The following DLC1 variants were observed in gnomAD, a reference collection of about 807,000 sequenced individuals.
The protein encoded by DLC1 is DLC1 Rho GTPase activating protein, also known as rho GTPase-activating protein 7.
Under a neutral mutation model 140.3 loss-of-function variants are expected in DLC1, and 54 were observed. That is an observed-to-expected ratio of 0.38 (90% CI 0.31 to 0.48). DLC1 has a LOEUF of 0.48. Among genes scored for constraint, DLC1 ranks in the 20% least tolerant of loss-of-function variants. DLC1 has a pLI of 0.96. For synonymous variants in DLC1, 986 were observed against 728.1 expected (o/e 1.35, Z -5.70); for missense variants, 2,536 against 1,907.0 (o/e 1.33, Z -6.14).
intron 5 of DLC1, among the ~76,000 whole-genome samples, chr8:13,161,057 G>C (rs1475808330): frequency 6.6e-6 from 1 of 152,200 alleles, no homozygotes; most frequent in Non-Finnish European, 1.5e-5. Flanking sequence ...CTCCAGCCTG[G>C]GCGACAGAGC....
intron 1 of DLC1, among the ~76,000 whole-genome samples, chr8:13,570,272 A>G (rs1585286300): frequency 1.3e-5 from 2 of 148,384 alleles, no homozygotes; most frequent in Non-Finnish European, 3.0e-5. Flanking sequence ...CTATGTGCAC[A>G]TTTGTTTCCC....
chr8:13,145,030 A>C (rs74408470), intron 5 of DLC1, among the ~76,000 whole-genome samples: 1 of 152,178 alleles, frequency 6.6e-6, no homozygotes, highest in South Asian at 2.1e-4. Flanking sequence ...AAAATCAAAA[A>C]CAAAAGTATT....
chr8:13,397,920 G>A (rs771592641), intron 3 of DLC1, among the ~76,000 whole-genome samples: 6 of 152,038 alleles, frequency 3.9e-5, no homozygotes, highest in Non-Finnish European at 7.4e-5. Context: ...ATCACGAGGT[G>A]AGGAGATCGA....
chr8:13,309,240 T>C (rs1039127215), intron 4 of DLC1, among the ~76,000 whole-genome samples: 12 of 152,156 alleles, frequency 7.9e-5, no homozygotes, highest in African/African-American at 2.9e-4. Context: ...CTTATATATT[T>C]TTTTCTCTTA....
intron 2 of DLC1, among the ~76,000 whole-genome samples, chr8:13,409,082 C>T (rs1035719183): frequency 1.3e-5 from 2 of 152,048 alleles, no homozygotes; most frequent in Admixed American, 6.6e-5. Context: ...TTGTAACTCT[C>T]TGATTCAGCC....
intron 14 of DLC1, among the ~76,000 whole-genome samples, chr8:13,091,025 C>T (rs534789050): frequency 7.2e-4 from 110 of 151,896 alleles, no homozygotes; most frequent in African/African-American, 2.5e-3. Flanking sequence ...CCGGGTTGGT[C>T]TTGAACTCCG....
chr8:13,318,112 C>G (rs1295257067), intron 4 of DLC1, among the ~76,000 whole-genome samples: 9 of 152,104 alleles, frequency 5.9e-5, no homozygotes, highest in African/African-American at 2.2e-4. Context: ...ACTGTAACCT[C>G]AACCTCCTGA....
intron 1 of DLC1, among the ~76,000 whole-genome samples, chr8:13,525,027 A>T (rs947021364): frequency 1.3e-5 from 2 of 152,124 alleles, no homozygotes; most frequent in African/African-American, 4.8e-5. Flanking sequence ...CAAGGCAACG[A>T]CTGATCTGCT....
At chr8:13,184,058 C>G (rs1826200175) in intron 5 of DLC1, among the ~76,000 whole-genome samples, 1 of 152,108 alleles carries the variant, frequency 6.6e-6, no homozygotes, top group Admixed American at 6.6e-5. Context: ...GTGTATGTGT[C>G]CAGGAATTTA....
chr8:13,417,030 G>A (rs1411068114), intron 2 of DLC1, among the ~76,000 whole-genome samples: 2 of 152,098 alleles, frequency 1.3e-5, no homozygotes, highest in African/African-American at 4.8e-5. Flanking sequence ...TTTCTTGAGA[G>A]CAGTCGGGCT....
Position 13,083,724 on chromosome 8 carries a change from T to G in DLC1, c.*2087A>C, listed in dbSNP as rs1407159150. The G allele has an allele frequency of 6.5e-6, 1 of 152,682 alleles. No homozygotes were observed. The highest frequency in any genetic ancestry group is 1.5e-5 in the Non-Finnish European group (1 of 68,052). 9.5% of individuals were successfully genotyped at this position (152,682 alleles called of 1,614,324 possible). On this transcript the variant is annotated 3_prime_UTR_variant, in exon 18 of 18. Transcript: ENST00000276297. ...TGTTGGAGAGAATCTCCGTGCTTCC[T>G]GAACCTTCACCAGGGTTTCCTGTTT...
intron 4 of DLC1, among the ~76,000 whole-genome samples, chr8:13,338,380 A>G (rs772164979): frequency 4.6e-5 from 7 of 152,202 alleles, no homozygotes; most frequent in Non-Finnish European, 8.8e-5. Flanking sequence ...GCTGAGCTCA[A>G]ATCCTGAAGT....
At chr8:13,507,540 G>A (rs1802152778) in intron 1 of DLC1, among the ~76,000 whole-genome samples, 1 of 152,122 alleles carries the variant, frequency 6.6e-6, no homozygotes, top group South Asian at 2.1e-4. Context: ...ACCTCCATAT[G>A]ATTTCATGCA....
At chr8:13,469,910 A>G (rs1299107504) in intron 2 of DLC1, among the ~76,000 whole-genome samples, 1 of 152,204 alleles carries the variant, frequency 6.6e-6, no homozygotes, top group Non-Finnish European at 1.5e-5. Context: ...TCTGCCCTCC[A>G]GAATAATGGT....
chr8:13,466,093 G>A (rs962410133), intron 2 of DLC1, among the ~76,000 whole-genome samples: 6 of 152,234 alleles, frequency 3.9e-5, no homozygotes, highest in East Asian at 1.9e-4. Context: ...ATACTGCAAC[G>A]ACAAGCACAC....
chr8:13,481,689 G>C (rs1800745239), intron 2 of DLC1, among the ~76,000 whole-genome samples: 1 of 152,140 alleles, frequency 6.6e-6, no homozygotes. Flanking sequence ...CTGGTTATAG[G>C]TTGAACTGGA....
intron 5 of DLC1, among the ~76,000 whole-genome samples, chr8:13,217,631 G>A (rs182471615): frequency 1.9e-3 from 284 of 151,966 alleles, no homozygotes; most frequent in African/African-American, 6.1e-3. Context: ...TCAGGAGATC[G>A]AGACCATCCT....
In DLC1 at chr8:13,460,589, G is replaced by C. The variant is rs145035728; in HGVS notation, c.1023+38460C>G. 6.1e-3 allele frequency among the ~76,000 whole-genome samples: 928 copies of C among 152,314 alleles called. 8 individuals carry two copies. The highest frequency in any genetic ancestry group is 0.034 in the South Asian group (163 of 4,828). ...CTAAAGGGTATGAGAGTGAAGCTGT[G>C]GTAGTAGAGGGTTCCAGGAAAGGAC... On this transcript the variant is annotated intron_variant, in intron 2 of 17. Coordinates refer to ENST00000276297, the MANE Select transcript of DLC1 (RefSeq NM_182643.3).
chr8:13,364,941 G>T (rs1835409157), intron 4 of DLC1, among the ~76,000 whole-genome samples: 2 of 152,142 alleles, frequency 1.3e-5, no homozygotes, highest in African/African-American at 4.8e-5. Flanking sequence ...GTCCTTAAAA[G>T]GACCCTCATC....
Sources: allele counts gnomAD v4.1 joint callset (sites outside exome capture counted in the v4.1 genomes callset), GRCh38; gene constraint gnomAD v4.1.1; transcripts MANE v1.5; gene names NCBI Gene and HGNC (gene_info 2026-07-23, HGNC 2026-07-21).